C12orf42: variants seen among roughly 807,000 people sequenced by gnomAD.
C12orf42 encodes the protein chromosome 12 open reading frame 42, also known as uncharacterized protein C12orf42.
C12orf42 carries 25 observed loss-of-function variants against 21.6 expected under a neutral mutation model. That is an observed-to-expected ratio of 1.16 (90% confidence interval 0.84 to 1.62). The LOEUF (loss-of-function observed/expected upper bound fraction) is 1.62. Ranked by LOEUF, C12orf42 falls within the 40% of genes most tolerant of loss-of-function variation. C12orf42 has a pLI of 0.00. For synonymous variants in C12orf42, 174 were observed against 175.0 expected, an observed-to-expected ratio of 0.99 and a Z score of 0.05; for missense variants, 483 against 459.3, an observed-to-expected ratio of 1.05 and a Z score of -0.47.
the C12orf42 span, among the ~76,000 whole-genome samples, chr12:103,093,982 G>A: frequency 2.0e-5 from 3 of 152,314 alleles, no homozygotes; most frequent in South Asian, 2.1e-4. Flanking sequence ...AAGGGAGGGC[G>A]TGGTGCTGTG....
rs575329833 is a variant in C12orf42, at chr12:103,303,075, C to T, written c.632-516G>A. On this transcript the variant is annotated intron_variant, in intron 5 of 5. Coordinates refer to ENST00000548883, the MANE Select transcript of C12orf42 (RefSeq NM_198521.5). The stretch of plus-strand genomic sequence containing the variant: ...AGTTTTATTGGAAACTTCAAACCAG[C>T]TGAAGACTAAAACAAACAGTAAATT... 5.3e-5 allele frequency among the ~76,000 whole-genome samples: 8 copies of T among 152,230 alleles called. No homozygotes were observed. In the South Asian group the frequency reaches 1.7e-3, roughly 32 times the overall value.
chr12:103,267,777 A>G (rs1452378539), downstream of C12orf42: 1 of 152,116 alleles, frequency 6.6e-6, no homozygotes, highest in Non-Finnish European at 1.5e-5. Flanking sequence ...AAAATCCAAG[A>G]AAGGAGTAAC....
At chr12:103,335,593 T>C (rs530495861) in intron 4 of C12orf42, among the ~76,000 whole-genome samples, 1 of 152,356 alleles carries the variant, frequency 6.6e-6, no homozygotes, top group Admixed American at 6.5e-5. Flanking sequence ...TTTTTGACCT[T>C]GGCCTTCACA....
At chr12:103,477,491 C>G (rs777607868) in intron 2 of C12orf42, among the ~76,000 whole-genome samples, 8 of 151,702 alleles carry the variant, frequency 5.3e-5, no homozygotes, top group Non-Finnish European at 1.5e-5. Flanking sequence ...CCTTAGGTGG[C>G]AAAAGGAACG....
chr12:103,278,891 C>G (rs2035937516), intron 4 of C12orf42, among the ~76,000 whole-genome samples: 2 of 152,210 alleles, frequency 1.3e-5, no homozygotes, highest in Admixed American at 1.3e-4. Flanking sequence ...TTTTCCCCTC[C>G]TGAATGTTCC....
At chr12:103,293,925 G>T (rs1256993897) in intron 4 of C12orf42, among the ~76,000 whole-genome samples, 1 of 152,106 alleles carries the variant, frequency 6.6e-6, no homozygotes, top group Admixed American at 6.6e-5. Flanking sequence ...ATATCATTGT[G>T]TCATTATTTC....
chr12:103,081,763 A>G, the C12orf42 span, among the ~76,000 whole-genome samples: 3 of 152,182 alleles, frequency 2.0e-5, no homozygotes, highest in African/African-American at 4.8e-5. Flanking sequence ...TAAGTGAATC[A>G]GACATTTGTA....
chr12:103,223,341 A>G, the C12orf42 span, among the ~76,000 whole-genome samples: 6 of 152,100 alleles, frequency 3.9e-5, no homozygotes, highest in Non-Finnish European at 8.8e-5. Flanking sequence ...TGTTAGAAGA[A>G]ACATTTGTCG....
At chr12:103,289,970 AG>A (rs1167225628) in intron 4 of C12orf42, among the ~76,000 whole-genome samples, 1 of 152,138 alleles carries the variant, frequency 6.6e-6, no homozygotes, top group African/African-American at 2.4e-5. Context: ...GAGGGGGAAA[AG>A]GGGAAGGAAG....
At chr12:103,080,384 T>C in the C12orf42 span, among the ~76,000 whole-genome samples, 5 of 152,196 alleles carry the variant, frequency 3.3e-5, no homozygotes, top group Admixed American at 2.0e-4. Flanking sequence ...CCCAACATCT[T>C]TTCAACTAAA....
chr12:103,163,858 A>C, the C12orf42 span, among the ~76,000 whole-genome samples: 2 of 152,184 alleles, frequency 1.3e-5, no homozygotes, highest in East Asian at 3.9e-4. Flanking sequence ...GGAGAGGATT[A>C]AATGTGATAA....
At chr12:103,411,945 T>C (rs1206171321) in intron 2 of C12orf42, among the ~76,000 whole-genome samples, 1 of 152,130 alleles carries the variant, frequency 6.6e-6, no homozygotes, top group East Asian at 1.9e-4. Context: ...ATAACATACT[T>C]CTACTCTAAA....
chr12:103,443,693 G>T (rs1030551822), intron 2 of C12orf42, among the ~76,000 whole-genome samples: 3 of 152,042 alleles, frequency 2.0e-5, no homozygotes, highest in African/African-American at 4.8e-5. Flanking sequence ...TGAAACCTCT[G>T]CTTGGCAGTG....
At chr12:103,286,109 G>A (rs1266155436) in intron 4 of C12orf42, among the ~76,000 whole-genome samples, 1 of 151,950 alleles carries the variant, frequency 6.6e-6, no homozygotes, top group Non-Finnish European at 1.5e-5. Context: ...AAATCAGCTG[G>A]GCGTGGTGGC....
At chr12:103,375,424 G>C (rs957744335) in intron 3 of C12orf42, among the ~76,000 whole-genome samples, 3 of 152,068 alleles carry the variant, frequency 2.0e-5, no homozygotes, top group African/African-American at 7.2e-5. Flanking sequence ...TCAGTAAAAA[G>C]ATTCTTCTCA....
chr12:103,435,197 G>C (rs1047054612), intron 2 of C12orf42, among the ~76,000 whole-genome samples: 2 of 152,086 alleles, frequency 1.3e-5, no homozygotes, highest in Admixed American at 6.5e-5. Context: ...GGTCCTGTCT[G>C]TTAGAAGGAA....
chr12:103,553,034 T>C, the C12orf42 span, among the ~76,000 whole-genome samples: 1 of 152,082 alleles, frequency 6.6e-6, no homozygotes, highest in Admixed American at 6.5e-5. Context: ...CCTTAACACC[T>C]GGGGATTACA....
chr12:103,516,891 C>G, the C12orf42 span, among the ~76,000 whole-genome samples: 1 of 152,102 alleles, frequency 6.6e-6, no homozygotes, highest in African/African-American at 2.4e-5. Flanking sequence ...TAATAGAGAG[C>G]ACGGGTTCTT....
chr12:103,474,456 G>GTA (rs370220232), intron 2 of C12orf42, among the ~76,000 whole-genome samples: 2,136 of 144,376 alleles, frequency 0.015, 35 homozygotes, highest in African/African-American at 0.043. Context: ...ATGTATGTAT[G>GTA]TGTGTGTGTG....
Sources: allele counts gnomAD v4.1 joint callset (sites outside exome capture counted in the v4.1 genomes callset), GRCh38; gene constraint gnomAD v4.1.1; transcripts MANE v1.5; gene names NCBI Gene and HGNC (gene_info 2026-07-23, HGNC 2026-07-21).